DCC: variants seen among roughly 807,000 people sequenced by gnomAD.
DCC encodes netrin receptor DCC.
In DCC, 58 loss-of-function variants were observed where a neutral mutation model predicts 172.5. The ratio of observed to expected loss-of-function variants is 0.34; its 90% CI spans 0.27 to 0.42. The LOEUF (loss-of-function observed/expected upper bound fraction) is 0.42. Among genes scored for constraint, DCC ranks in the 10% least tolerant of loss-of-function variants. The probability of loss-of-function intolerance (pLI) is 1.00; values close to 1 mark genes in which losing one functional copy is unlikely to be tolerated. For missense variants in DCC, 1,740 were observed against 1,791.0 expected, an observed-to-expected ratio of 0.97 and a Z score of 0.51; for synonymous variants, 709 against 644.5, an observed-to-expected ratio of 1.10 and a Z score of -1.52.
intron 1 of DCC, among the ~76,000 whole-genome samples, chr18:52,562,929 G>A (rs548505347): frequency 5.9e-5 from 9 of 152,064 alleles, no homozygotes; most frequent in African/African-American, 4.8e-5. Context: ...CGCACCTGGC[G>A]TTAATCATTT....
chr18:53,331,088 A>G (rs1298263464), intron 14 of DCC, among the ~76,000 whole-genome samples: 2 of 152,220 alleles, frequency 1.3e-5, no homozygotes, highest in Admixed American at 6.5e-5. Flanking sequence ...AGAAACATCC[A>G]TTGCTCTCTG....
chr18:52,963,377 A>G, intron 5 of DCC, among the ~76,000 whole-genome samples: 1 of 152,188 alleles, frequency 6.6e-6, no homozygotes, highest in East Asian at 1.9e-4. Flanking sequence ...AATATATATT[A>G]TGTATACCTT....
chr18:52,728,912 T>C (rs2036593710), intron 1 of DCC, among the ~76,000 whole-genome samples: 1 of 152,146 alleles, frequency 6.6e-6, no homozygotes, highest in Non-Finnish European at 1.5e-5. Flanking sequence ...TCTATGTGAA[T>C]AGTGTCTGTT....
At chr18:52,675,211 A>G (rs2035627482) in intron 1 of DCC, among the ~76,000 whole-genome samples, 1 of 152,064 alleles carries the variant, frequency 6.6e-6, no homozygotes, top group African/African-American at 2.4e-5. Flanking sequence ...GGTGAGTGCC[A>G]CCACACCTGG....
intron 7 of DCC, among the ~76,000 whole-genome samples, chr18:53,083,092 A>G (rs1180286333): frequency 2.0e-5 from 3 of 152,080 alleles, no homozygotes; most frequent in Non-Finnish European, 4.4e-5. Context: ...AAACAAAAAA[A>G]CAACATAATC....
chr18:52,759,163 C>G (rs1236786247), intron 2 of DCC: 1 of 152,142 alleles, frequency 6.6e-6, no homozygotes, highest in Non-Finnish European at 1.5e-5. Context: ...ATACAGCCAT[C>G]ACCAATATTT....
intron 1 of DCC, among the ~76,000 whole-genome samples, chr18:52,387,580 T>TTCCTTCCTTCCTTCCA (rs1985854789): frequency 8.7e-6 from 1 of 114,564 alleles, no homozygotes. Context: ...TGTTTCTTCC[T>TTCCTTCCTTCCTTCCA]TCCTTCCTTC....
intron 27 of DCC, among the ~76,000 whole-genome samples, chr18:53,509,903 A>C (rs2046229708): frequency 6.6e-6 from 1 of 152,226 alleles, no homozygotes; most frequent in South Asian, 2.1e-4. Context: ...CTCTACTCAA[A>C]TGAAACTCTG....
At chr18:53,217,290 CACACACACACATAT>C (rs1379323207) in intron 12 of DCC, among the ~76,000 whole-genome samples, 3 of 119,838 alleles carry the variant, frequency 2.5e-5, no homozygotes, top group African/African-American at 1.4e-4. Flanking sequence ...CACACACACA[CACACACACACATAT>C]GTATATACAC....
intron 9 of DCC, among the ~76,000 whole-genome samples, chr18:53,183,581 C>A (rs991969508): frequency 5.9e-5 from 9 of 151,986 alleles, no homozygotes; most frequent in Admixed American, 1.3e-4. Flanking sequence ...GAATGGGAAG[C>A]CTATTTGCAA....
At chr18:53,362,975 T>C (rs565289652) in intron 15 of DCC, among the ~76,000 whole-genome samples, 2 of 152,164 alleles carry the variant, frequency 1.3e-5, no homozygotes, top group Non-Finnish European at 2.9e-5. Flanking sequence ...ATGCTCTGTC[T>C]CCTTTGCTCC....
chr18:53,400,984 C>T (rs949821387), intron 18 of DCC, among the ~76,000 whole-genome samples: 4 of 152,028 alleles, frequency 2.6e-5, no homozygotes, highest in African/African-American at 9.7e-5. Context: ...TGGAAAATTC[C>T]TTATTACGTT....
intron 1 of DCC, among the ~76,000 whole-genome samples, chr18:52,556,839 T>C (rs1053929409): frequency 1.3e-5 from 2 of 152,164 alleles, no homozygotes; most frequent in Admixed American, 6.6e-5. Flanking sequence ...CATCAGAATG[T>C]ACTTTCGTTT....
chr18:52,857,145 T>C (rs1006312564), intron 2 of DCC, among the ~76,000 whole-genome samples: 7 of 152,266 alleles, frequency 4.6e-5, no homozygotes, highest in African/African-American at 1.7e-4. Context: ...ATCATGTATA[T>C]TCCTTCTTAA....
intron 2 of DCC, among the ~76,000 whole-genome samples, chr18:52,846,251 T>C (rs1279501091): frequency 6.6e-6 from 1 of 152,020 alleles, no homozygotes; most frequent in Non-Finnish European, 1.5e-5. Context: ...CCTCAAGGAA[T>C]TCAGCTTCAG....
intron 3 of DCC, among the ~76,000 whole-genome samples, chr18:52,907,064 A>G (rs960933337): frequency 2.6e-5 from 4 of 151,618 alleles, no homozygotes; most frequent in African/African-American, 9.7e-5. Flanking sequence ...CTACCAGGCA[A>G]TAACAGAAGC....
At chr18:53,071,866 C>T (rs898707699) in intron 7 of DCC, among the ~76,000 whole-genome samples, 4 of 152,256 alleles carry the variant, frequency 2.6e-5, no homozygotes, top group African/African-American at 4.8e-5. Flanking sequence ...CAGTGGCTCA[C>T]GCCTGTAATC....
chr18:53,474,085 C>G (rs1336540356), intron 25 of DCC, among the ~76,000 whole-genome samples: 1 of 152,024 alleles, frequency 6.6e-6, no homozygotes, highest in Non-Finnish European at 1.5e-5. Flanking sequence ...CATAGTTTTC[C>G]AAAATTTATA....
chr18:53,333,097 C>G (rs569442850), intron 14 of DCC, among the ~76,000 whole-genome samples: 2 of 148,988 alleles, frequency 1.3e-5, no homozygotes, highest in South Asian at 2.1e-4. Context: ...AGAATATTGA[C>G]AAAATATTAG....
Sources: allele counts gnomAD v4.1 joint callset (sites outside exome capture counted in the v4.1 genomes callset), GRCh38; gene constraint gnomAD v4.1.1; transcripts MANE v1.5; gene names NCBI Gene and HGNC (gene_info 2026-07-23, HGNC 2026-07-21).